Variants in PPAT observed in about 807,000 individuals in gnomAD.
PPAT encodes phosphoribosyl pyrophosphate amidotransferase.
In PPAT, 20 loss-of-function variants were observed where a neutral mutation model predicts 60.2. The observed-to-expected ratio is 0.33, with a 90% CI of 0.23 to 0.48. The LOEUF is 0.48. Among genes scored for constraint, PPAT ranks in the 20% least tolerant of loss-of-function variants. PPAT has a pLI of 0.99. For missense variants in PPAT, 349 were observed against 629.6 expected (o/e 0.55, Z 4.77); for synonymous variants, 194 against 215.1 (o/e 0.90, Z 0.86).
chr4:56,413,943 A>T (rs1038075634), intron 1 of PPAT, among the ~76,000 whole-genome samples: 1 of 152,240 alleles, frequency 6.6e-6, no homozygotes, highest in South Asian at 2.1e-4. Context: ...GGCTAATTTA[A>T]GAAACAATGG....
In PPAT at chr4:56,403,054, T is replaced by C; in HGVS notation, c.647A>G (p.Asp216Gly). ...AAGTTTATTACCTTTGTCATTTATA[T>C]CAGACACTGGAATAAGACGACCAAT... is the stretch of plus-strand genomic sequence containing the variant. Reference protein sequence around the residue: ...LCIGRLIPVSDINDKEKKTSE... With the variant: ...LCIGRLIPVSGINDKEKKTSE... Residue 216 changes from aspartate to glycine, a missense_variant, in exon 5 of 11, where the codon GAT becomes GGT. This residue lies in a region of PPAT where 63 missense variants were observed against 86.9 expected (regional missense o/e 0.73). Coordinates refer to ENST00000264220, the MANE Select transcript of PPAT (RefSeq NM_002703.5). The C allele has an allele frequency of 1.9e-6, 3 of 1,607,234 alleles. No individual in the cohort carries two copies. The highest frequency in any genetic ancestry group is 2.5e-6 in the Non-Finnish European group (3 of 1,177,388).
intron 1 of PPAT, among the ~76,000 whole-genome samples, chr4:56,428,096 T>C (rs765632280): frequency 5.9e-5 from 9 of 152,242 alleles, no homozygotes; most frequent in South Asian, 2.1e-4. Flanking sequence ...AATATACTGT[T>C]TGAATATGGA....
chr4:56,413,468 A>T (rs1716568814), intron 1 of PPAT, among the ~76,000 whole-genome samples: 1 of 152,172 alleles, frequency 6.6e-6, no homozygotes, highest in African/African-American at 2.4e-5. Context: ...ACTTTGAAAC[A>T]TTATTTCTAA....
At chr4:56,408,526 G>C (rs1274656663) in intron 1 of PPAT, among the ~76,000 whole-genome samples, 1 of 151,388 alleles carries the variant, frequency 6.6e-6, no homozygotes, top group East Asian at 2.0e-4. Context: ...AGGTGGAGGC[G>C]GGTGGACCAC....
chr4:56,396,539 T>TTTGTA lies in PPAT; in HGVS notation c.1357+79_1357+80insTACAA. The TTTGTA allele has an allele frequency of 7.3e-7, 1 of 1,379,102 alleles. No individual in the cohort carries two copies. The highest frequency in any genetic ancestry group is 1.3e-5 in the South Asian group (1 of 75,900). 85.4% of individuals were successfully genotyped at this position (1,379,102 alleles called of 1,614,324 possible). On this transcript the variant is annotated intron_variant, in intron 10 of 10. Coordinates refer to ENST00000264220, the MANE Select transcript of PPAT (RefSeq NM_002703.5). This position sits in a 1 kb window ranked among gnomAD's most constrained non-coding sequence, Gnocchi z 4.6. Reference sequence around the variant, plus strand: ...CTTTTAACAAACACTGAATACTCCTTTTTACTAAAGGTGTAAAGACTGTCA... The same window carrying TTTGTA: ...CTTTTAACAAACACTGAATACTCCTTTTGTATTTACTAAAGGTGTAAAGACTGTCA...
intron 1 of PPAT, chr4:56,410,912 A>G (rs1716427229): frequency 4.1e-6 from 4 of 967,942 alleles, no homozygotes; most frequent in Non-Finnish European, 4.9e-6. Context: ...AAAAAAAAAA[A>G]AAAAAAAAAA....
chr4:56,399,264 C>A lies in PPAT; in HGVS notation c.1151G>T (p.Arg384Ile). The change falls in exon 9 of 11, where the codon AGA (arginine) becomes ATA (isoleucine). Residue 384 changes from arginine (R) to isoleucine (I), a missense_variant. By Grantham distance (97) the Arg-to-Ile change is moderately conservative (BLOSUM62 -3). Around this residue, in one of 5 missense-constraint regions of PPAT, gnomAD observed 167 missense variants for 328.6 expected, o/e 0.51. Transcript: ENST00000264220. ...AATTGAATCATCTACAAGAACAATT[C>A]TTTTGCCTTTAAAGTTGTCTGACAA... ...GVLSDNFKGK[R>I]IVLVDDSIVR... is the part of the protein sequence containing the mutation. 1 of 1,613,984 alleles carries A rather than the reference C, an allele frequency of 6.2e-7. No homozygotes were observed. Among genetic ancestry groups the A allele is most frequent in the South Asian group, 1.1e-5 (1 of 91,082 alleles).
At chr4:56,430,424 G>C (rs989319914) in intron 1 of PPAT, among the ~76,000 whole-genome samples, 7 of 152,034 alleles carry the variant, frequency 4.6e-5, no homozygotes, top group African/African-American at 7.2e-5. Context: ...GAACCAATAA[G>C]GTCTCTGCGA....
chr4:56,402,490 G>GA (rs1716136956), intron 5 of PPAT, among the ~76,000 whole-genome samples: 1 of 151,940 alleles, frequency 6.6e-6, no homozygotes, highest in South Asian at 2.1e-4. Flanking sequence ...ATTAAGACAG[G>GA]AAAAAATAGG....
At chr4:56,432,169 C>CA (rs1196245326) in intron 1 of PPAT, among the ~76,000 whole-genome samples, 1 of 152,138 alleles carries the variant, frequency 6.6e-6, no homozygotes, top group Non-Finnish European at 1.5e-5. Flanking sequence ...ATACCCAAGA[C>CA]AAAAAACTGG....
chr4:56,396,648 G>A lies in PPAT; in HGVS notation c.1328C>T (p.Pro443Leu), dbSNP rs1259919858. The change falls in exon 10 of 11, where the codon CCA (proline) becomes CTA (leucine). Residue 443 changes from proline (P) to leucine (L), a missense_variant. Coordinates refer to ENST00000264220, the MANE Select transcript of PPAT (RefSeq NM_002703.5). The surrounding 1 kb of genome is among the most constrained non-coding windows in gnomAD (Gnocchi z 4.6). ...PTKEELIANK[P>L]EFDHLAEYLG... The stretch of plus-strand genomic sequence containing the variant: ...ATATTCTGCAAGGTGATCAAATTCT[G>A]GTTTATTGGCAATGAGCTCTTCTTT... 11 of 1,607,190 alleles carry A rather than the reference G, an allele frequency of 6.8e-6. No individual in the cohort carries two copies. In the African/African-American group the frequency reaches 9.4e-5, roughly 14 times the overall value.
chr4:56,409,939 G>A (rs935317788), intron 1 of PPAT, among the ~76,000 whole-genome samples: 2 of 152,174 alleles, frequency 1.3e-5, no homozygotes, highest in African/African-American at 4.8e-5. Context: ...AACTTGGCAT[G>A]ATCACAGCTC....
In PPAT at chr4:56,406,634, C is replaced by A; in HGVS notation, c.263G>T (p.Gly88Val). 2 of 1,613,040 alleles carry A rather than the reference C, an allele frequency of 1.2e-6. No homozygotes were observed. The change falls in exon 3 of 11, where the codon GGA becomes GTA. Residue 88 changes from glycine (G) to valine (V), a missense_variant. Physicochemically the swap from Gly to Val is moderately radical, Grantham distance 109. This residue lies in a region of PPAT where 115 missense variants were observed against 174.5 expected (regional missense o/e 0.66). Coordinates refer to ENST00000264220, the MANE Select transcript of PPAT (RefSeq NM_002703.5). ...GGTGGCATACCTGGTGTGTCCAATT[C>A]CAAGATTTGAAACATATAATTTTTT... ...NLKKLYVSNL[G>V]IGHTRYATTG...
At position 56,435,406 on chromosome 4, in the gene PPAT, G is replaced by A. The variant is rs569325646; in HGVS notation, c.72C>T (p.Pro24=). ...TCACATGCGGTACATCCAGCTGCGT[G>A]GGCCACTCTCCTGAGGCGATGCACC... ...VFGCIASGEW[P]TQLDVPHVIT... is the part of the protein sequence containing the mutation. The change falls in exon 1 of 11, where the codon CCC becomes CCT. Residue 24 remains proline (P), a synonymous_variant. Coordinates refer to ENST00000264220, the MANE Select transcript of PPAT (RefSeq NM_002703.5). 6.2e-7 allele frequency: 1 copy of A among 1,613,858 alleles called. No individual in the cohort carries two copies. Among genetic ancestry groups the A allele is most frequent in the African/African-American group, 1.3e-5 (1 of 75,018 alleles).
In PPAT at chr4:56,406,715, A is replaced by G. The variant is rs755436930; in HGVS notation, c.196-14T>C. The G allele has an allele frequency of 5.5e-5, 87 of 1,584,144 alleles. No homozygotes were observed. Among genetic ancestry groups the G allele is most frequent in the Admixed American group, 2.2e-4 (13 of 59,388 alleles). On this transcript the variant is annotated splice_polypyrimidine_tract_variant and intron_variant, in intron 2 of 10. Coordinates refer to ENST00000264220, the MANE Select transcript of PPAT (RefSeq NM_002703.5). ...AAGACCCATTCCCTTGAGAAATCAA[A>G]AAGTGCAACTTAGAAAAAAACAGAC...
At chr4:56,405,480 G>T (rs895999038) in intron 3 of PPAT, among the ~76,000 whole-genome samples, 2 of 152,218 alleles carry the variant, frequency 1.3e-5, no homozygotes, top group African/African-American at 4.8e-5. Flanking sequence ...GTTGCCAGGG[G>T]AATCAACCAG....
At chr4:56,424,220 T>C (rs1327856208) in intron 1 of PPAT, among the ~76,000 whole-genome samples, 2 of 152,232 alleles carry the variant, frequency 1.3e-5, no homozygotes, top group East Asian at 3.8e-4. Context: ...AAGCTTTTCT[T>C]TACTTCAAAT....
In PPAT at chr4:56,396,748, G is replaced by A. The variant is rs772789380; in HGVS notation, c.1237-9C>T. On this transcript the variant is annotated splice_polypyrimidine_tract_variant and intron_variant, in intron 9 of 10. Transcript: ENST00000264220. The surrounding 1 kb of genome is among the most constrained non-coding windows in gnomAD (Gnocchi z 4.6). The stretch of plus-strand genomic sequence containing the variant: ...GCTACTCGAATGTGTACCTTGGAAA[G>A]AAATCATTGCACACAAGGTTTTTAA... 75 of 1,605,148 alleles carry A rather than the reference G, an allele frequency of 4.7e-5. No individual in the cohort carries two copies. The highest frequency in any genetic ancestry group is 6.1e-5 in the Non-Finnish European group (72 of 1,176,904).
rs779698922 is a variant in PPAT at position 56,400,865 on chromosome 4, C to T, written c.933G>A (p.Ala311=). ...AATCTGCATCCACAGGTGCTTCAAT[C>T]GCTAGCTGCTGGCCACAACGGTATC... is the stretch of plus-strand genomic sequence containing the variant. ...TVRYRCGQQL[A]IEAPVDADLV... Residue 311 remains alanine (A), a synonymous_variant, in exon 8 of 11, where the codon GCG becomes GCA. Transcript: ENST00000264220. 11 of 1,613,188 alleles carry T rather than the reference C, an allele frequency of 6.8e-6. No individual in the cohort carries two copies. Among genetic ancestry groups the T allele is most frequent in the Admixed American group, 5.0e-5 (3 of 59,984 alleles).
Sources: gnomAD v4.1 joint callset for allele counts (sites outside exome capture counted in the v4.1 genomes callset) on GRCh38, gnomAD v4.1.1 for gene constraint, gnomAD v4.1.1 regional missense constraint, Gnocchi (gnomAD v3.1) non-coding constraint, MANE v1.5 for transcripts, NCBI Gene and HGNC (gene_info 2026-07-23, HGNC 2026-07-21) for gene names.